Variants in TACR1 observed in about 807,000 individuals in gnomAD.
TACR1 encodes the protein tachykinin receptor 1.
In TACR1, 25 loss-of-function variants were observed where a neutral mutation model predicts 35.8. The observed-to-expected ratio is 0.70, with a 90% confidence interval of 0.51 to 0.98. The LOEUF (loss-of-function observed/expected upper bound fraction) is 0.98, where lower values mean the gene tolerates loss of function less well. Ranked by LOEUF, TACR1 falls within the 50% of genes least tolerant of loss-of-function variation. The pLI is 0.00. For synonymous variants in TACR1, 195 were observed against 206.7 expected, an observed-to-expected ratio of 0.94 and a Z score of 0.48; for missense variants, 478 against 522.9, an observed-to-expected ratio of 0.91 and a Z score of 0.84.
intron 2 of TACR1, among the ~76,000 whole-genome samples, chr2:75,057,508 G>A (rs1573458753): frequency 6.6e-6 from 1 of 152,214 alleles, no homozygotes; most frequent in South Asian, 2.1e-4. Flanking sequence ...AAAAAAGAAG[G>A]ATGTTATGAC....
At chr2:75,054,834 G>C (rs528665063) in intron 2 of TACR1, among the ~76,000 whole-genome samples, 1 of 152,212 alleles carries the variant, frequency 6.6e-6, no homozygotes, top group East Asian at 1.9e-4. Flanking sequence ...GCTAATGATA[G>C]TATTAATAGC....
Position 75,173,077 on chromosome 2 carries a change from T to TG in TACR1, c.389+25468dup, listed in dbSNP as rs971498279. Among the ~76,000 whole-genome samples, 12 of 152,006 alleles carry TG rather than the reference T, an allele frequency of 7.9e-5. No individual in the cohort carries two copies. In the East Asian group the frequency reaches 1.9e-3, roughly 24 times the overall value. On this transcript the variant is annotated intron_variant, in intron 1 of 4. Transcript: ENST00000305249. ...GAACTTCAACTTATGAATCTTGGGG[T>TG]GGGGGGTCAGGAACGGACACAATTC...
chr2:75,174,491 G>C (rs1353673945), intron 1 of TACR1, among the ~76,000 whole-genome samples: 1 of 152,130 alleles, frequency 6.6e-6, no homozygotes, highest in Non-Finnish European at 1.5e-5. Flanking sequence ...GGGACAGTGT[G>C]AAACTTCATC....
intron 2 of TACR1, among the ~76,000 whole-genome samples, chr2:75,058,567 GA>G (rs1464434449): frequency 6.6e-6 from 1 of 152,224 alleles, no homozygotes; most frequent in Non-Finnish European, 1.5e-5. Flanking sequence ...CACCTGGTGA[GA>G]TATGTGCTGG....
At chr2:75,099,352 A>T (rs1049359171) in intron 2 of TACR1, among the ~76,000 whole-genome samples, 1 of 152,102 alleles carries the variant, frequency 6.6e-6, no homozygotes, top group African/African-American at 2.4e-5. Context: ...TACCATGTCC[A>T]TCCTCCCAAG....
Position 75,120,771 on chromosome 2 carries a change from G to A in TACR1, c.390-3C>T, listed in dbSNP as rs773376767. 2 of 1,595,224 alleles carry A rather than the reference G, an allele frequency of 1.3e-6. No homozygotes were observed. Among genetic ancestry groups the A allele is most frequent in the African/African-American group, 2.7e-5 (2 of 74,158 alleles). The stretch of plus-strand genomic sequence containing the variant: ...GGGGATGTATGATGGCCATGTACCT[G>A]GAACAGAGAAGAAAGAACAAAGTTC... On this transcript the variant is annotated splice_polypyrimidine_tract_variant and splice_region_variant and intron_variant, in intron 1 of 4. Coordinates refer to ENST00000305249, the MANE Select transcript of TACR1 (RefSeq NM_001058.4).
chr2:75,149,956 G>A (rs1308249049), intron 1 of TACR1, among the ~76,000 whole-genome samples: 1 of 152,196 alleles, frequency 6.6e-6, no homozygotes, highest in Non-Finnish European at 1.5e-5. Context: ...ATGAAGCGGT[G>A]TTGAATTTTA....
chr2:75,175,341 A>G (rs1675386775), intron 1 of TACR1, among the ~76,000 whole-genome samples: 1 of 152,202 alleles, frequency 6.6e-6, no homozygotes, highest in African/African-American at 2.4e-5. Context: ...AAAATCTTAT[A>G]ATTACCCAAA....
intron 2 of TACR1, among the ~76,000 whole-genome samples, chr2:75,060,783 G>T (rs1672655772): frequency 6.6e-6 from 1 of 152,186 alleles, no homozygotes; most frequent in African/African-American, 2.4e-5. Context: ...CTGCGGGCCT[G>T]GCAGGAAGTG....
At chr2:75,108,979 C>A (rs1205900825) in intron 2 of TACR1, among the ~76,000 whole-genome samples, 1 of 152,110 alleles carries the variant, frequency 6.6e-6, no homozygotes, top group Non-Finnish European at 1.5e-5. Flanking sequence ...GGAGGTCACC[C>A]ACTGGCCAGA....
chr2:75,100,578 A>G (rs1306305581), intron 2 of TACR1, among the ~76,000 whole-genome samples: 4 of 152,168 alleles, frequency 2.6e-5, no homozygotes, highest in Admixed American at 6.5e-5. Context: ...CTGTGGATTT[A>G]TTGCAGCACT....
chr2:75,179,149 T>A (rs1252129478), intron 1 of TACR1, among the ~76,000 whole-genome samples: 1 of 152,216 alleles, frequency 6.6e-6, no homozygotes, highest in Non-Finnish European at 1.5e-5. Flanking sequence ...TCTTTTCCAG[T>A]CTTCCCCATC....
At chr2:75,191,634 T>A (rs183572788) in intron 1 of TACR1, among the ~76,000 whole-genome samples, 1 of 152,162 alleles carries the variant, frequency 6.6e-6, no homozygotes, top group Non-Finnish European at 1.5e-5. Flanking sequence ...CCATGGTTAT[T>A]CTAGAACGGG....
In TACR1 at chr2:75,199,086, T is replaced by A. The variant is rs932010993; in HGVS notation, c.-152A>T. 7.3e-6 allele frequency: 7 copies of A among 954,170 alleles called. No individual in the cohort carries two copies. The Admixed American group carries it at 1.7e-4, about 24-fold the overall frequency. 59.1% of individuals were successfully genotyped at this position (954,170 alleles called of 1,614,324 possible). On this transcript the variant is annotated 5_prime_UTR_variant, in exon 1 of 5. Transcript: ENST00000305249. ...GCAGCACTCTTTTTGAAAGCTGAACTGGCGCTCAGAATATAAACGCTTCTG... is the reference window on the plus strand; with the variant it reads ...GCAGCACTCTTTTTGAAAGCTGAACAGGCGCTCAGAATATAAACGCTTCTG...
At chr2:75,163,992 A>G (rs12713835) in intron 1 of TACR1, among the ~76,000 whole-genome samples, 76,418 of 151,868 alleles carry the variant, frequency 0.5, 19,824 homozygotes, top group South Asian at 0.55. Context: ...AAAAAAGTAA[A>G]CAAATGGAGG....
chr2:75,057,615 A>G (rs1378796845), intron 2 of TACR1, among the ~76,000 whole-genome samples: 2 of 152,268 alleles, frequency 1.3e-5, no homozygotes, highest in Non-Finnish European at 2.9e-5. Context: ...TATATGATCT[A>G]TATAGAATAG....
In TACR1 at chr2:75,194,680, C is replaced by T. The variant is rs1402029877; in HGVS notation, c.389+3866G>A. Among the ~76,000 whole-genome samples, 5 of 152,110 alleles carry T rather than the reference C, an allele frequency of 3.3e-5. No homozygotes were observed. In the South Asian group the frequency reaches 1.0e-3, roughly 32 times the overall value. Reference sequence around the variant, plus strand: ...ATCAGCTCTCTCAGAGAGCTCAATTCCTCTTTTGCCTTCAACCATTACTCT... The same window carrying T: ...ATCAGCTCTCTCAGAGAGCTCAATTTCTCTTTTGCCTTCAACCATTACTCT... On this transcript the variant is annotated intron_variant, in intron 1 of 4. Coordinates refer to ENST00000305249, the MANE Select transcript of TACR1 (RefSeq NM_001058.4).
chr2:75,119,437 T>A (rs1673921832), intron 2 of TACR1, among the ~76,000 whole-genome samples: 1 of 152,284 alleles, frequency 6.6e-6, no homozygotes, highest in South Asian at 2.1e-4. Flanking sequence ...CTTTTATGAT[T>A]CACATAAAAA....
At position 75,098,580 on chromosome 2, in the gene TACR1, A is replaced by G. The variant is rs538542517; in HGVS notation, c.584+21994T>C. Among the ~76,000 whole-genome samples the G allele has an allele frequency of 5.9e-5, 9 of 152,266 alleles. No homozygotes were observed. In the East Asian group the frequency reaches 1.7e-3, roughly 29 times the overall value. Reference sequence around the variant, plus strand: ...TATTGGCCAATCCTTGAGGACCACAAAGCCTTGAAGTGAGCGACTCTCATC... The same window carrying G: ...TATTGGCCAATCCTTGAGGACCACAGAGCCTTGAAGTGAGCGACTCTCATC... On this transcript the variant is annotated intron_variant, in intron 2 of 4. Coordinates refer to ENST00000305249, the MANE Select transcript of TACR1 (RefSeq NM_001058.4).
Sources: gnomAD v4.1 joint callset for allele counts (sites outside exome capture counted in the v4.1 genomes callset) on GRCh38, gnomAD v4.1.1 for gene constraint, MANE v1.5 for transcripts, NCBI Gene and HGNC (gene_info 2026-07-23, HGNC 2026-07-21) for gene names.